GPR39: variants seen among roughly 807,000 people sequenced by gnomAD.
GPR39 encodes the protein G protein-coupled receptor 39.
GPR39 carries 23 observed loss-of-function variants against 18.4 expected under a neutral mutation model. That is an observed-to-expected ratio of 1.25 (90% CI 0.90 to 1.77). The LOEUF (loss-of-function observed/expected upper bound fraction) is 1.77, where lower values mean the gene tolerates loss of function less well. Among genes scored for constraint, GPR39 ranks in the 40% most tolerant of loss-of-function variants. GPR39 has a pLI of 0.00. For missense variants in GPR39, 647 were observed against 602.4 expected (o/e 1.07, Z -0.78); for synonymous variants, 280 against 257.9 (o/e 1.09, Z -0.82).
intron 1 of GPR39, among the ~76,000 whole-genome samples, chr2:132,565,864 T>C (rs1222942873): frequency 6.6e-6 from 1 of 151,386 alleles, no homozygotes; most frequent in Non-Finnish European, 1.5e-5. Flanking sequence ...TAAACATACA[T>C]GTGCATGTGT....
At chr2:132,450,018 T>C (rs779477714) in intron 1 of GPR39, among the ~76,000 whole-genome samples, 3 of 152,166 alleles carry the variant, frequency 2.0e-5, no homozygotes, top group Non-Finnish European at 4.4e-5. Flanking sequence ...GGCAGAAAGA[T>C]TGATGGTGGA....
intron 1 of GPR39, among the ~76,000 whole-genome samples, chr2:132,521,696 T>G (rs1048641130): frequency 5.3e-5 from 4 of 76,000 alleles, no homozygotes; most frequent in African/African-American, 2.0e-4. Flanking sequence ...CTTGTTCTTT[T>G]TCTTTTCCCC....
intron 1 of GPR39, among the ~76,000 whole-genome samples, chr2:132,499,496 G>A (rs1394725648): frequency 6.6e-6 from 1 of 151,952 alleles, no homozygotes; most frequent in African/African-American, 2.4e-5. Flanking sequence ...CTCTAGATTT[G>A]TGGTTTTTTT....
At chr2:132,530,106 A>G (rs929293369) in intron 1 of GPR39, among the ~76,000 whole-genome samples, 5 of 152,130 alleles carry the variant, frequency 3.3e-5, no homozygotes, top group Non-Finnish European at 4.4e-5. Context: ...AAACCTTAAA[A>G]AAAAAAATTA....
chr2:132,531,394 C>CAATAATAATGGGAGA (rs1322469321), intron 1 of GPR39, among the ~76,000 whole-genome samples: 1 of 152,182 alleles, frequency 6.6e-6, no homozygotes, highest in Non-Finnish European at 1.5e-5. Context: ...GACTCCCACA[C>CAATAATAATGGGAGA]AATAATAATG....
intron 1 of GPR39, among the ~76,000 whole-genome samples, chr2:132,444,962 A>G (rs1680508161): frequency 6.6e-6 from 1 of 152,194 alleles, no homozygotes. Flanking sequence ...GCCAGATAAG[A>G]TAAGAACACA....
chr2:132,598,386 T>C (rs1680983143), intron 1 of GPR39, among the ~76,000 whole-genome samples: 1 of 149,852 alleles, frequency 6.7e-6, no homozygotes, highest in Non-Finnish European at 1.5e-5. Flanking sequence ...TTTAAGATAA[T>C]GATGCCCATG....
chr2:132,456,513 A>G (rs372441860), intron 1 of GPR39, among the ~76,000 whole-genome samples: 1 of 152,250 alleles, frequency 6.6e-6, no homozygotes, highest in South Asian at 2.1e-4. Flanking sequence ...GAATCTGATC[A>G]TGTCATTATG....
chr2:132,496,389 A>G (rs1416770236), intron 1 of GPR39, among the ~76,000 whole-genome samples: 1 of 152,206 alleles, frequency 6.6e-6, no homozygotes, highest in Non-Finnish European at 1.5e-5. Flanking sequence ...CTCCAGCAGG[A>G]AACTGTGTTA....
At chr2:132,420,410 A>C (rs971034050) in intron 1 of GPR39, among the ~76,000 whole-genome samples, 1 of 152,354 alleles carries the variant, frequency 6.6e-6, no homozygotes, top group African/African-American at 2.4e-5. Context: ...AGATTAATTC[A>C]ATGCAATTTA....
intron 1 of GPR39, among the ~76,000 whole-genome samples, chr2:132,473,963 T>A (rs1169462173): frequency 6.6e-6 from 1 of 152,176 alleles, no homozygotes; most frequent in African/African-American, 2.4e-5. Context: ...TTACTAAGTA[T>A]CTCTATACCA....
chr2:132,514,510 A>G (rs1376657923), intron 1 of GPR39, among the ~76,000 whole-genome samples: 1 of 152,138 alleles, frequency 6.6e-6, no homozygotes, highest in Non-Finnish European at 1.5e-5. Flanking sequence ...TGTGGCTCCC[A>G]GATCATTGGT....
In GPR39 at chr2:132,526,570, A is replaced by T. The variant is rs72983626; in HGVS notation, c.856+108672A>T. On this transcript the variant is annotated intron_variant, in intron 1 of 1. Transcript: ENST00000329321. ...ATGAGCTTACAGGAAAGGTGGGCTT[A>T]GTGTTGCCTGCAGGCATCTTCTGGG... Among the ~76,000 whole-genome samples, 87 of 152,338 alleles carry T rather than the reference A, an allele frequency of 5.7e-4. 1 individual carries two copies. Among genetic ancestry groups the T allele is most frequent in the African/African-American group, 2.0e-3 (85 of 41,596 alleles).
chr2:132,581,931 T>C (rs1680630131), intron 1 of GPR39, among the ~76,000 whole-genome samples: 1 of 152,162 alleles, frequency 6.6e-6, no homozygotes, highest in Admixed American at 6.5e-5. Context: ...TGGTGTTGTT[T>C]ACTGCAGATG....
chr2:132,616,600 A>G lies in GPR39; in HGVS notation c.857-28501A>G, dbSNP rs141365424. Among the ~76,000 whole-genome samples, 109 of 152,202 alleles carry G rather than the reference A, an allele frequency of 7.2e-4. 1 individual carries two copies. The highest frequency in any genetic ancestry group is 2.5e-3 in the African/African-American group (105 of 41,520). On this transcript the variant is annotated intron_variant, in intron 1 of 1. Transcript: ENST00000329321. Reference sequence around the variant, plus strand: ...TGCAGAATAAAATGCTTCTCTCTCCATGTTCCATGGGTCTTCATCCATCCA... The same window carrying G: ...TGCAGAATAAAATGCTTCTCTCTCCGTGTTCCATGGGTCTTCATCCATCCA...
intron 1 of GPR39, among the ~76,000 whole-genome samples, chr2:132,642,617 A>G (rs1324524278): frequency 6.6e-6 from 1 of 152,216 alleles, no homozygotes; most frequent in African/African-American, 2.4e-5. Context: ...AAGCAATGTT[A>G]TCATTCTCTC....
At chr2:132,621,585 G>A (rs1681443185) in intron 1 of GPR39, among the ~76,000 whole-genome samples, 1 of 152,180 alleles carries the variant, frequency 6.6e-6, no homozygotes, top group South Asian at 2.1e-4. Context: ...TGGGCAAATG[G>A]CCCATGTAGT....
intron 1 of GPR39, among the ~76,000 whole-genome samples, chr2:132,564,227 A>G (rs531098211): frequency 6.6e-6 from 1 of 152,284 alleles, no homozygotes; most frequent in East Asian, 1.9e-4. Flanking sequence ...GTTAGTTTAC[A>G]CATTAAACCC....
intron 1 of GPR39, among the ~76,000 whole-genome samples, chr2:132,552,831 TACATATATATATATACAC>T (rs1680068394): frequency 5.8e-5 from 6 of 103,140 alleles, no homozygotes; most frequent in Middle Eastern, 0.011. Context: ...TGTATATATA[TACATATATATATATACAC>T]ACATATATAT....
Sources: allele counts gnomAD v4.1 joint callset (sites outside exome capture counted in the v4.1 genomes callset), GRCh38; gene constraint gnomAD v4.1.1; transcripts MANE v1.5; gene names NCBI Gene and HGNC (gene_info 2026-07-23, HGNC 2026-07-21).